CTDP1: variants seen among roughly 807,000 people sequenced by gnomAD.
The protein encoded by CTDP1 is CTD phosphatase 1.
In CTDP1, 47 loss-of-function variants were observed where a neutral mutation model predicts 91.8. The observed-to-expected ratio is 0.51, with a 90% CI of 0.41 to 0.65. The LOEUF is 0.65. Ranked by LOEUF, CTDP1 falls within the 30% of genes least tolerant of loss-of-function variation. CTDP1 has a pLI of 0.00. For synonymous variants in CTDP1, 656 were observed against 598.5 expected, an observed-to-expected ratio of 1.10 and a Z score of -1.40; for missense variants, 1,272 against 1,373.7, an observed-to-expected ratio of 0.93 and a Z score of 1.17.
Position 79,704,823 on chromosome 18 carries a change from T to C in CTDP1, c.678T>C (p.Arg226=). The C allele has an allele frequency of 6.2e-7, 1 of 1,614,028 alleles. No homozygotes were observed. The highest frequency in any genetic ancestry group is 1.1e-5 in the South Asian group (1 of 91,084). The change falls in exon 5 of 13, where the codon CGT becomes CGC. Residue 226 remains arginine (R), a synonymous_variant. Coordinates refer to ENST00000613122, the MANE Select transcript of CTDP1 (RefSeq NM_004715.5). ...AGCCCATGCTGCACACGCGCCTGCGTCCACACTGCAAGGACTTCCTGGAGA... is the reference window on the plus strand; with the variant it reads ...AGCCCATGCTGCACACGCGCCTGCGCCCACACTGCAAGGACTTCCTGGAGA... ...RGEPMLHTRL[R]PHCKDFLEKI...
In CTDP1 at chr18:79,680,231, G is replaced by T; in HGVS notation, c.284G>T (p.Cys95Phe). 2 of 1,320,262 alleles carry T rather than the reference G, an allele frequency of 1.5e-6. No individual in the cohort carries two copies. The highest frequency in any genetic ancestry group is 1.9e-6 in the Non-Finnish European group (2 of 1,040,326). 81.8% of individuals were successfully genotyped at this position (1,320,262 alleles called of 1,614,324 possible). Residue 95 changes from cysteine to phenylalanine, a missense_variant, in exon 1 of 13, where the codon TGC (cysteine) becomes TTC (phenylalanine). This residue lies in a region of CTDP1 where 214 missense variants were observed against 179.1 expected (regional missense o/e 1.19). Transcript: ENST00000613122. ...CGCGCGGGCGTGGTGCGGGAGCTGT[G>T]CGCGCAGCCGGGCCAGGTGGTCGCC... ...SERAGVVREL[C>F]AQPGQVVAPG... is the part of the protein sequence containing the mutation.
chr18:79,714,394 CT>C, intron 7 of CTDP1, 96 bp from the exon 8 acceptor site: 1 of 1,416,912 alleles, frequency 7.1e-7, no homozygotes, highest in East Asian at 2.4e-5. Context: ...GGGTGGTGGA[CT>C]TCACAGCCAT....
Position 79,696,025 on chromosome 18 carries a change from C to T in CTDP1, c.447C>T (p.Thr149=), listed in dbSNP as rs895725555. Residue 149 remains threonine, a synonymous_variant, in exon 3 of 13, where the codon ACC becomes ACT. Transcript: ENST00000613122. ...AGCAGGTGCCGCTGTCCACGGCGACCGTGTCCATGGTGCACAGCGTGCCGG... is the reference window on the plus strand; with the variant it reads ...AGCAGGTGCCGCTGTCCACGGCGACTGTGTCCATGGTGCACAGCGTGCCGG... ...GKQQVPLSTA[T]VSMVHSVPEL... is the part of the protein sequence containing the mutation. 7.4e-6 allele frequency: 12 copies of T among 1,612,484 alleles called. No individual in the cohort carries two copies. Among genetic ancestry groups the T allele is most frequent in the African/African-American group, 2.7e-5 (2 of 74,924 alleles).
At chr18:79,697,416 G>C (rs571487364) in intron 3 of CTDP1, among the ~76,000 whole-genome samples, 1 of 152,326 alleles carries the variant, frequency 6.6e-6, no homozygotes, top group East Asian at 1.9e-4. Context: ...GTCTCTTCGA[G>C]GCACAAGAAT....
intron 11 of CTDP1, among the ~76,000 whole-genome samples, chr18:79,733,124 G>A (rs1021077827): frequency 3.3e-5 from 5 of 152,234 alleles, no homozygotes; most frequent in Admixed American, 2.0e-4. Flanking sequence ...CTCAGCACAG[G>A]ACGAATGTGT....
chr18:79,751,267 C>T, intron 12 of CTDP1, among the ~76,000 whole-genome samples: 1 of 119,266 alleles, frequency 8.4e-6, no homozygotes, highest in South Asian at 2.9e-4. Context: ...AGGCTGGGCA[C>T]ACAGGGCAGG....
chr18:79,722,531 G>A (rs1460188003), intron 10 of CTDP1, among the ~76,000 whole-genome samples: 1 of 152,168 alleles, frequency 6.6e-6, no homozygotes, highest in East Asian at 1.9e-4. Context: ...GTTAGGTTGC[G>A]ATAATCGTCA....
chr18:79,690,972 C>T (rs2085608957), intron 1 of CTDP1, among the ~76,000 whole-genome samples: 1 of 152,254 alleles, frequency 6.6e-6, no homozygotes, highest in South Asian at 2.1e-4. Flanking sequence ...CCTGCGTGCA[C>T]TGGGCGCAGG....
chr18:79,716,458 G>T (rs1249317559), intron 8 of CTDP1, among the ~76,000 whole-genome samples: 11 of 152,212 alleles, frequency 7.2e-5, no homozygotes, highest in Admixed American at 7.2e-4. Flanking sequence ...CTAGCTGCAG[G>T]GCAGAGGCGG....
intron 12 of CTDP1, 22 bp from the exon 13 acceptor site, chr18:79,753,630 C>T: frequency 6.2e-7 from 1 of 1,614,100 alleles, no homozygotes; most frequent in Non-Finnish European, 8.5e-7. Flanking sequence ...AAGCATCTCA[C>T]ACCATGTTTG....
chr18:79,719,144 G>T (rs1301153595), intron 10 of CTDP1, among the ~76,000 whole-genome samples: 2 of 152,228 alleles, frequency 1.3e-5, no homozygotes, highest in Non-Finnish European at 2.9e-5. Flanking sequence ...GGGAGAGGCC[G>T]CTCCCTCTGG....
chr18:79,728,956 G>A lies in CTDP1; in HGVS notation c.2467G>A (p.Ala823Thr), dbSNP rs774116308. Reference protein sequence around the residue: ...PQMFGEELPDAQDGEQPGPSR... With the variant: ...PQMFGEELPDTQDGEQPGPSR... Reference sequence around the variant, plus strand: ...GATGTTTGGTGAAGAGCTGCCTGACGCTCAGGACGGAGAGCAGCCTGGCCC... The same window carrying A: ...GATGTTTGGTGAAGAGCTGCCTGACACTCAGGACGGAGAGCAGCCTGGCCC... The change falls in exon 11 of 13, where the codon GCT (alanine) becomes ACT (threonine). Residue 823 changes from alanine to threonine, a missense_variant. By Grantham distance (58) the Ala-to-Thr change is moderately conservative (BLOSUM62 0). This residue lies in a region of CTDP1 where 881 missense variants were observed against 911.6 expected (regional missense o/e 0.97). Transcript: ENST00000613122. 16 of 1,614,052 alleles carry A rather than the reference G, an allele frequency of 9.9e-6. No individual in the cohort carries two copies. The highest frequency in any genetic ancestry group is 4.0e-5 in the African/African-American group (3 of 74,940).
downstream of CTDP1, chr18:79,755,715 C>T (rs1233014859): frequency 6.6e-6 from 1 of 152,332 alleles, no homozygotes; most frequent in African/African-American, 2.4e-5. Flanking sequence ...CGAGTCCCCT[C>T]TGGCTTCATG....
chr18:79,717,791 C>T lies in CTDP1; in HGVS notation c.2211-19C>T, dbSNP rs369147217. 1.2e-5 allele frequency: 20 copies of T among 1,613,790 alleles called. No individual in the cohort carries two copies. The highest frequency in any genetic ancestry group is 6.7e-5 in the African/African-American group (5 of 75,058). On this transcript the variant is annotated intron_variant, in intron 9 of 12. Coordinates refer to ENST00000613122, the MANE Select transcript of CTDP1 (RefSeq NM_004715.5). ...ACCCGGACGCCCCGCTCATGGCCCTCGTTCTCTTCCTCCGACAGGGAGAAC... is the reference window on the plus strand; with the variant it reads ...ACCCGGACGCCCCGCTCATGGCCCTTGTTCTCTTCCTCCGACAGGGAGAAC...
intron 11 of CTDP1, among the ~76,000 whole-genome samples, chr18:79,734,158 C>T (rs534362192): frequency 3.3e-5 from 5 of 152,176 alleles, no homozygotes; most frequent in East Asian, 1.9e-4. Flanking sequence ...TTGTGCTGGA[C>T]GACTTTGCCA....
chr18:79,745,217 C>T (rs752844909), intron 12 of CTDP1, among the ~76,000 whole-genome samples: 13 of 152,172 alleles, frequency 8.5e-5, no homozygotes, highest in South Asian at 2.1e-4. Flanking sequence ...AGCACACATA[C>T]GTGTTTGACT....
intron 12 of CTDP1, among the ~76,000 whole-genome samples, chr18:79,739,083 A>G (rs2086723224): frequency 6.6e-6 from 1 of 152,230 alleles, no homozygotes; most frequent in Non-Finnish European, 1.5e-5. Context: ...AAGACCCTCT[A>G]GCCCGGGGCT....
chr18:79,694,142 G>T (rs1198236591), intron 1 of CTDP1, among the ~76,000 whole-genome samples: 4 of 151,688 alleles, frequency 2.6e-5, no homozygotes, highest in African/African-American at 9.7e-5. Context: ...GAGCAGCCCG[G>T]CTGGGACGGG....
At chr18:79,695,116 G>T in intron 1 of CTDP1, 109 bp from the exon 2 acceptor site, 1 of 935,372 alleles carries the variant, frequency 1.1e-6, no homozygotes, top group Admixed American at 1.9e-5. Flanking sequence ...GTTATGCAAG[G>T]GTTAGTGTAG....
Sources: gnomAD v4.1 joint callset for allele counts (sites outside exome capture counted in the v4.1 genomes callset) on GRCh38, gnomAD v4.1.1 for gene constraint, gnomAD v4.1.1 regional missense constraint, MANE v1.5 for transcripts, NCBI Gene and HGNC (gene_info 2026-07-23, HGNC 2026-07-21) for gene names.